Variants in CNGA3 observed in about 807,000 individuals in gnomAD.
CNGA3 encodes the protein cyclic nucleotide-gated channel alpha-3.
A neutral mutation model predicts 46.6 loss-of-function variants in CNGA3; 42 were observed. The observed-to-expected ratio is 0.90, with a 90% CI of 0.70 to 1.17. CNGA3 has a LOEUF of 1.17. CNGA3 is among the 50% of genes most tolerant of loss of function. The pLI is 0.00. For synonymous variants in CNGA3, 394 were observed against 369.4 expected (o/e 1.07, Z -0.76); for missense variants, 893 against 890.7 (o/e 1.00, Z -0.03).
intron 6 of CNGA3, among the ~76,000 whole-genome samples, chr2:98,390,375 CTCACCTCAAATGA>C (rs1692757649): frequency 6.6e-6 from 1 of 151,990 alleles, no homozygotes; most frequent in Admixed American, 6.6e-5. Context: ...TCTTGAACTC[CTCACCTCAAATGA>C]TCTGCCCACC....
At chr2:98,364,287 A>C (rs1304272437) in intron 1 of CNGA3, among the ~76,000 whole-genome samples, 1 of 152,188 alleles carries the variant, frequency 6.6e-6, no homozygotes, top group Non-Finnish European at 1.5e-5. Context: ...CTGAGCTAGG[A>C]GAATCACTTG....
intron 2 of CNGA3, among the ~76,000 whole-genome samples, chr2:98,375,797 T>C (rs138792265): frequency 4.0e-4 from 61 of 152,284 alleles, no homozygotes; most frequent in Non-Finnish European, 8.4e-4. Context: ...GGCAGCTTCA[T>C]GGAGTGGATG....
chr2:98,382,145 G>C (rs768860081), intron 4 of CNGA3, among the ~76,000 whole-genome samples: 1 of 152,224 alleles, frequency 6.6e-6, no homozygotes, highest in South Asian at 2.1e-4. Context: ...AGCATGGGAA[G>C]ATGGATGCGA....
chr2:98,360,897 T>C (rs1052352855), intron 1 of CNGA3, among the ~76,000 whole-genome samples: 8 of 152,292 alleles, frequency 5.3e-5, no homozygotes, highest in East Asian at 3.9e-4. Context: ...TAAACAATGA[T>C]GTAAAAAGCT....
intron 1 of CNGA3, among the ~76,000 whole-genome samples, chr2:98,364,185 C>G (rs926993122): frequency 6.6e-6 from 1 of 152,084 alleles, no homozygotes; most frequent in Non-Finnish European, 1.5e-5. Context: ...CAAGACTAGC[C>G]TGGCCAACAT....
intron 1 of CNGA3, among the ~76,000 whole-genome samples, chr2:98,363,371 TA>T (rs1172315814): frequency 2.0e-5 from 3 of 152,236 alleles, no homozygotes; most frequent in Admixed American, 1.3e-4. Context: ...TCACTTGCCT[TA>T]CTAGCTATAT....
At chr2:98,350,343 A>G (rs900306933) in intron 1 of CNGA3, among the ~76,000 whole-genome samples, 5 of 152,228 alleles carry the variant, frequency 3.3e-5, no homozygotes, top group Non-Finnish European at 4.4e-5. Context: ...AGATATGGAC[A>G]TCTTATTACC....
intron 1 of CNGA3, among the ~76,000 whole-genome samples, chr2:98,366,710 G>A (rs1692160635): frequency 6.6e-6 from 1 of 152,048 alleles, no homozygotes; most frequent in African/African-American, 2.4e-5. Flanking sequence ...ATTCCTCCTG[G>A]GCCCAAACTG....
chr2:98,396,280 AC>A lies in CNGA3; in HGVS notation c.1116del (p.Val373Ter), dbSNP rs958089715. On this transcript the variant is annotated frameshift_variant, in exon 8 of 8. Transcript: ENST00000272602. LOFTEE classifies it high-confidence loss of function. ...CCCTTACCACCATTGGTGAGACCCC[AC>A]CCCCCGTGAAAGATGAGGAGTATCT... ...LTLTTIGETP[P>X]PVKDEEYLFV... 4 of 1,608,486 alleles carry A rather than the reference AC, an allele frequency of 2.5e-6. No individual in the cohort carries two copies. Among genetic ancestry groups the A allele is most frequent in the Non-Finnish European group, 3.4e-6 (4 of 1,176,818 alleles).
chr2:98,348,617 C>T (rs143014858), intron 1 of CNGA3, among the ~76,000 whole-genome samples: 349 of 152,342 alleles, frequency 2.3e-3, no homozygotes, highest in Middle Eastern at 0.014. Context: ...TGCTAATCCC[C>T]CACCAACCAC....
Position 98,397,398 on chromosome 2 carries a change from C to T in CNGA3, c.*143C>T. 1 of 861,248 alleles carries T rather than the reference C, an allele frequency of 1.2e-6. No homozygotes were observed. The allele number at this position is 861,248 out of a possible 1,614,324, so 53.4% of individuals were successfully genotyped here. On this transcript the variant is annotated 3_prime_UTR_variant, in exon 8 of 8. Coordinates refer to ENST00000272602, the MANE Select transcript of CNGA3 (RefSeq NM_001298.3). ...AAGCTGTGTGACTGCCTGAGAGAAC[C>T]TGTTTCTTCACCTAAAAAATGGGAC...
intron 4 of CNGA3, among the ~76,000 whole-genome samples, chr2:98,381,747 G>C (rs1692542002): frequency 6.6e-6 from 1 of 152,138 alleles, no homozygotes; most frequent in South Asian, 2.1e-4. Context: ...AAGGAGGCTG[G>C]GGAAGGCCTG....
chr2:98,385,287 T>C lies in CNGA3; in HGVS notation c.449+1846T>C, dbSNP rs150804134. On this transcript the variant is annotated intron_variant, in intron 5 of 7. Transcript: ENST00000272602. ...TGGTGACTTGACGTTAAGACTCCAG[T>C]GCCTGAAAAGAGACCAGGGTTCACA... Among the ~76,000 whole-genome samples the C allele has an allele frequency of 1.1e-3, 160 of 152,328 alleles. 3 individuals are homozygous for C. The highest frequency in any genetic ancestry group is 1.1e-3 in the Non-Finnish European group (77 of 68,028).
At chr2:98,362,913 T>C (rs781658240) in intron 1 of CNGA3, among the ~76,000 whole-genome samples, 4 of 152,250 alleles carry the variant, frequency 2.6e-5, no homozygotes, top group Non-Finnish European at 5.9e-5. Flanking sequence ...TAGGGAATCC[T>C]TTCCCCATTA....
chr2:98,395,366 C>T (rs986309418), intron 7 of CNGA3, among the ~76,000 whole-genome samples: 5 of 152,126 alleles, frequency 3.3e-5, no homozygotes, highest in African/African-American at 9.7e-5. Flanking sequence ...GACAGGGTTT[C>T]ACCATGTTGC....
Position 98,390,712 on chromosome 2 carries a change from A to G in CNGA3, c.566+938A>G, listed in dbSNP as rs143779919. ...GCCTGCAGGCTGCAAGCTGCAGGACAAGGAGGAGGGATGACCTGCTGCTCT... is the reference window on the plus strand; with the variant it reads ...GCCTGCAGGCTGCAAGCTGCAGGACGAGGAGGAGGGATGACCTGCTGCTCT... On this transcript the variant is annotated intron_variant, in intron 6 of 7. Transcript: ENST00000272602. Among the ~76,000 whole-genome samples the G allele has an allele frequency of 9.2e-5, 14 of 152,104 alleles. No homozygotes were observed. The East Asian group carries it at 1.7e-3, about 19-fold the overall frequency.
Position 98,398,499 on chromosome 2 carries a change from CCT to C in CNGA3, c.*1247_*1248del, listed in dbSNP as rs1180793189. On this transcript the variant is annotated 3_prime_UTR_variant, in exon 8 of 8. Coordinates refer to ENST00000272602, the MANE Select transcript of CNGA3 (RefSeq NM_001298.3). ...TCCTTCTTTCTTCCTTTTTCTCTCT[CCT>C]CTTTTCCTCCTCAAAATGTATATAT... 2 of 151,874 alleles carry C rather than the reference CCT, an allele frequency of 1.3e-5. No individual in the cohort carries two copies. Among genetic ancestry groups the C allele is most frequent in the Non-Finnish European group, 2.9e-5 (2 of 67,958 alleles). 9.4% of individuals were successfully genotyped at this position (151,874 alleles called of 1,614,324 possible).
At chr2:98,381,306 G>A (rs1692532742) in intron 4 of CNGA3, among the ~76,000 whole-genome samples, 1 of 152,176 alleles carries the variant, frequency 6.6e-6, no homozygotes, top group Non-Finnish European at 1.5e-5. Context: ...GGTGGGAAAA[G>A]GGGATCAAAT....
chr2:98,397,560 T>C lies in CNGA3; in HGVS notation c.*305T>C, dbSNP rs886945556. On this transcript the variant is annotated 3_prime_UTR_variant, in exon 8 of 8. Coordinates refer to ENST00000272602, the MANE Select transcript of CNGA3 (RefSeq NM_001298.3). Reference sequence around the variant, plus strand: ...AACGTGCACACAGGACTCTCATTACTTTTTTATGGAATCTGCAAGGTGTTT... The same window carrying C: ...AACGTGCACACAGGACTCTCATTACCTTTTTATGGAATCTGCAAGGTGTTT... The C allele has an allele frequency of 2.3e-6, 1 of 436,900 alleles. No individual in the cohort carries two copies. Among genetic ancestry groups the C allele is most frequent in the East Asian group, 4.5e-5 (1 of 22,366 alleles). 27.1% of individuals were successfully genotyped at this position (436,900 alleles called of 1,614,324 possible).
Sources: allele counts gnomAD v4.1 joint callset (sites outside exome capture counted in the v4.1 genomes callset), GRCh38; gene constraint gnomAD v4.1.1; transcripts MANE v1.5; gene names NCBI Gene and HGNC (gene_info 2026-07-23, HGNC 2026-07-21).